Variants in TRIM13 observed in about 807,000 individuals in gnomAD.
TRIM13 encodes E3 ubiquitin-protein ligase TRIM13.
Under a neutral mutation model 27.1 loss-of-function variants are expected in TRIM13, and 15 were observed. The ratio of observed to expected loss-of-function variants is 0.55; its 90% CI spans 0.37 to 0.85. The LOEUF is 0.85. Ranked by LOEUF, TRIM13 falls within the 40% of genes least tolerant of loss-of-function variation. TRIM13 has a pLI of 0.00. For synonymous variants in TRIM13, 193 were observed against 171.5 expected (o/e 1.13, Z -0.98); for missense variants, 402 against 472.2 (o/e 0.85, Z 1.38).
chr13:50,007,780 C>T (rs1397537478), intron 1 of TRIM13, among the ~76,000 whole-genome samples: 1 of 44,298 alleles, frequency 2.3e-5, no homozygotes. Flanking sequence ...GAGACTTAGT[C>T]TCAAAAAAAA....
intron 1 of TRIM13, among the ~76,000 whole-genome samples, chr13:50,000,074 A>G (rs1393609138): frequency 6.6e-6 from 1 of 152,106 alleles, no homozygotes; most frequent in Non-Finnish European, 1.5e-5. Flanking sequence ...TTTTATTACC[A>G]TTTATTGCCT....
intron 1 of TRIM13, among the ~76,000 whole-genome samples, chr13:50,007,632 T>C (rs1160206135): frequency 2.0e-5 from 3 of 146,828 alleles, no homozygotes; most frequent in Non-Finnish European, 3.0e-5. Context: ...AATACAAAAA[T>C]TAGCTGGGCG....
At chr13:50,008,098 G>A (rs1429406877) in intron 1 of TRIM13, among the ~76,000 whole-genome samples, 8 of 151,856 alleles carry the variant, frequency 5.3e-5, no homozygotes, top group Non-Finnish European at 1.2e-4. Flanking sequence ...GTAGAGACGG[G>A]GTTTTACTGT....
chr13:50,015,320 A>G lies in TRIM13; in HGVS notation c.*2156A>G. The G allele has an allele frequency of 2.0e-6, 1 of 508,586 alleles. No individual in the cohort carries two copies. Among genetic ancestry groups the G allele is most frequent in the Middle Eastern group, 4.9e-4 (1 of 2,036 alleles). The allele number at this position is 508,586 out of a possible 1,614,324, so 31.5% of individuals were successfully genotyped here. A position where few individuals can be genotyped will look rare whatever the true frequency, so the allele number is the denominator to read the frequency against. ...TCCCAGGCAACTCGAATTTGCAAAC[A>G]CAGCCATGGATACACTATTTACCTT... On this transcript the variant is annotated 3_prime_UTR_variant, in exon 2 of 2. Transcript: ENST00000378182.
intron 1 of TRIM13, among the ~76,000 whole-genome samples, chr13:50,002,373 A>C (rs1874145394): frequency 9.8e-6 from 1 of 101,718 alleles, no homozygotes; most frequent in African/African-American, 2.7e-5. Flanking sequence ...TGGGTGACAG[A>C]GCAAGACTGT....
In TRIM13 at chr13:50,014,484, C is replaced by T. The variant is rs560167361; in HGVS notation, c.*1320C>T. 2 of 165,428 alleles carry T rather than the reference C, an allele frequency of 1.2e-5. No individual in the cohort carries two copies. Among genetic ancestry groups the T allele is most frequent in the Non-Finnish European group, 2.9e-5 (2 of 67,806 alleles). 10.2% of individuals were successfully genotyped at this position (165,428 alleles called of 1,614,324 possible). ...TCTGGCAGCTATGTGTTGTTTTGTT[C>T]GAAAGATGGCAAGTGTACAACCAAA... On this transcript the variant is annotated 3_prime_UTR_variant, in exon 2 of 2. Coordinates refer to ENST00000378182, the MANE Select transcript of TRIM13 (RefSeq NM_213590.3).
In TRIM13 at chr13:50,016,984, T is replaced by C. The variant is rs1876680826; in HGVS notation, c.*3820T>C. 1 of 166,932 alleles carries C rather than the reference T, an allele frequency of 6.0e-6. No individual in the cohort carries two copies. Among genetic ancestry groups the C allele is most frequent in the South Asian group, 2.1e-4 (1 of 4,812 alleles). 10.3% of individuals were successfully genotyped at this position (166,932 alleles called of 1,614,324 possible). A position where few individuals can be genotyped will look rare whatever the true frequency, so the allele number is the denominator to read the frequency against. On this transcript the variant is annotated 3_prime_UTR_variant, in exon 2 of 2. Transcript: ENST00000378182. ...TAGCGACACACTCCTTGGTCTTGCT[T>C]ACCAACTGGAGGACACTAGGTAGAA...
rs1876214906 is a variant in TRIM13, at chr13:50,015,081, AAAAAAAAAAAAAAATATATATATATATAT to A, written c.*1919_*1947del. Reference sequence around the variant, plus strand: ...GCTTTTCCCCTCCCAGTAATAAAAAAAAAAAAAAAAAAAATATATATATATATATATATATATATATATATATATATATA... The same window carrying A: ...GCTTTTCCCCTCCCAGTAATAAAAAAATATATATATATATATATATATATA... On this transcript the variant is annotated 3_prime_UTR_variant, in exon 2 of 2. Coordinates refer to ENST00000378182, the MANE Select transcript of TRIM13 (RefSeq NM_213590.3). The A allele has an allele frequency of 5.9e-5, 2 of 33,856 alleles. No individual in the cohort carries two copies. Among genetic ancestry groups the A allele is most frequent in the Non-Finnish European group, 5.7e-5 (1 of 17,696 alleles). 2.1% of individuals were successfully genotyped at this position (33,856 alleles called of 1,614,324 possible).
rs1264754156 is a variant in TRIM13, at chr13:50,017,186, A to T, written c.*4022A>T. The T allele has an allele frequency of 2.4e-5, 4 of 167,004 alleles. No homozygotes were observed. The highest frequency in any genetic ancestry group is 5.9e-5 in the Non-Finnish European group (4 of 68,096). 10.3% of individuals were successfully genotyped at this position (167,004 alleles called of 1,614,324 possible). A position where few individuals can be genotyped will look rare whatever the true frequency, so the allele number is the denominator to read the frequency against. On this transcript the variant is annotated 3_prime_UTR_variant, in exon 2 of 2. Coordinates refer to ENST00000378182, the MANE Select transcript of TRIM13 (RefSeq NM_213590.3). Reference sequence around the variant, plus strand: ...GTACAACTTTATTTTCATTGATGGGATACTTTAACAAAAATGAAATTTTTT... The same window carrying T: ...GTACAACTTTATTTTCATTGATGGGTTACTTTAACAAAAATGAAATTTTTT...
At position 50,015,094 on chromosome 13, in the gene TRIM13, AATATATATATATATATATAT is replaced by A. The variant is rs869065030; in HGVS notation, c.*1968_*1987del. The A allele has an allele frequency of 3.0e-4, 5 of 16,852 alleles. 1 individual carries two copies. The highest frequency in any genetic ancestry group is 7.2e-4 in the African/African-American group (4 of 5,532). 1.0% of individuals were successfully genotyped at this position (16,852 alleles called of 1,614,324 possible). On this transcript the variant is annotated 3_prime_UTR_variant, in exon 2 of 2. Transcript: ENST00000378182. ...CAGTAATAAAAAAAAAAAAAAAAAAAATATATATATATATATATATATATATATATATATATATATATATA... is the reference window on the plus strand; with the variant it reads ...CAGTAATAAAAAAAAAAAAAAAAAAAATATATATATATATATATATATATA...
chr13:50,013,344 G>C lies in TRIM13; in HGVS notation c.*180G>C. On this transcript the variant is annotated 3_prime_UTR_variant, in exon 2 of 2. Coordinates refer to ENST00000378182, the MANE Select transcript of TRIM13 (RefSeq NM_213590.3). ...GATAAAAGTGAAATTTAGTAGTATA[G>C]GCCTGAACCTTTTTTTGTTTAAAAG... 1 of 565,870 alleles carries C rather than the reference G, an allele frequency of 1.8e-6. No individual in the cohort carries two copies. Among genetic ancestry groups the C allele is most frequent in the Non-Finnish European group, 2.9e-6 (1 of 345,502 alleles). The allele number at this position is 565,870 out of a possible 1,614,324, so 35.1% of individuals were successfully genotyped here.
At position 50,016,053 on chromosome 13, in the gene TRIM13, A is replaced by C. The variant is rs764426450; in HGVS notation, c.*2889A>C. 1 of 1,613,092 alleles carries C rather than the reference A, an allele frequency of 6.2e-7. No homozygotes were observed. The highest frequency in any genetic ancestry group is 1.1e-5 in the South Asian group (1 of 91,060). On this transcript the variant is annotated 3_prime_UTR_variant, in exon 2 of 2. Coordinates refer to ENST00000378182, the MANE Select transcript of TRIM13 (RefSeq NM_213590.3). ...CAGTGTGGTTCTGACAGCACTACTGATAACCAAACTGGAGTCAGGTATTTT... is the reference window on the plus strand; with the variant it reads ...CAGTGTGGTTCTGACAGCACTACTGCTAACCAAACTGGAGTCAGGTATTTT...
chr13:50,016,168 G>C lies in TRIM13; in HGVS notation c.*3004G>C. 2.4e-6 allele frequency: 2 copies of C among 842,010 alleles called. No individual in the cohort carries two copies. The highest frequency in any genetic ancestry group is 3.7e-6 in the Non-Finnish European group (2 of 538,434). 52.2% of individuals were successfully genotyped at this position (842,010 alleles called of 1,614,324 possible). A position where few individuals can be genotyped will look rare whatever the true frequency, so the allele number is the denominator to read the frequency against. The stretch of plus-strand genomic sequence containing the variant: ...CAGGCCTGTAACTTCTGGAAAAGAT[G>C]ATTATTCAAAATAATGTTTTGGGGT... On this transcript the variant is annotated 3_prime_UTR_variant, in exon 2 of 2. Transcript: ENST00000378182.
At chr13:49,999,488 G>A (rs1200999193) in intron 1 of TRIM13, among the ~76,000 whole-genome samples, 1 of 152,146 alleles carries the variant, frequency 6.6e-6, no homozygotes, top group Non-Finnish European at 1.5e-5. Context: ...ACAACCACGG[G>A]TGTATCCCCC....
Position 50,015,913 on chromosome 13 carries a change from TAC to T in TRIM13, c.*2751_*2752del, listed in dbSNP as rs1566449438. ...CAATTGAGATGCTAACAGGGAGGATTACAGTGTTTACAGAACAACCTTCAGCG... is the reference window on the plus strand; with the variant it reads ...CAATTGAGATGCTAACAGGGAGGATTAGTGTTTACAGAACAACCTTCAGCG... On this transcript the variant is annotated 3_prime_UTR_variant, in exon 2 of 2. Coordinates refer to ENST00000378182, the MANE Select transcript of TRIM13 (RefSeq NM_213590.3). 10 of 1,614,144 alleles carry T rather than the reference TAC, an allele frequency of 6.2e-6. No homozygotes were observed. Among genetic ancestry groups the T allele is most frequent in the Non-Finnish European group, 7.6e-6 (9 of 1,179,998 alleles).
At position 50,015,474 on chromosome 13, in the gene TRIM13, T is replaced by C. The variant is rs758305359; in HGVS notation, c.*2310T>C. 2.6e-6 allele frequency: 4 copies of C among 1,551,962 alleles called. No homozygotes were observed. Among genetic ancestry groups the C allele is most frequent in the Admixed American group, 3.6e-5 (2 of 56,088 alleles). On this transcript the variant is annotated 3_prime_UTR_variant, in exon 2 of 2. Coordinates refer to ENST00000378182, the MANE Select transcript of TRIM13 (RefSeq NM_213590.3). The stretch of plus-strand genomic sequence containing the variant: ...CCTAAGTGTGGCTGATGGTAGCCTC[T>C]AGTTTGAAGTGAGGGAAGAATGAGT...
rs944032488 is a variant in TRIM13, at chr13:50,014,123, T to G, written c.*959T>G. Reference sequence around the variant, plus strand: ...TTTTTGTAGTTTTCACCAAAGATGATCAACTAGAAATGTTAAGTGGCTATG... The same window carrying G: ...TTTTTGTAGTTTTCACCAAAGATGAGCAACTAGAAATGTTAAGTGGCTATG... On this transcript the variant is annotated 3_prime_UTR_variant, in exon 2 of 2. Transcript: ENST00000378182. 5.4e-5 allele frequency: 9 copies of G among 165,454 alleles called. No individual in the cohort carries two copies. The highest frequency in any genetic ancestry group is 2.2e-4 in the African/African-American group (9 of 40,908). The allele number at this position is 165,454 out of a possible 1,614,324, so 10.2% of individuals were successfully genotyped here. A position where few individuals can be genotyped will look rare whatever the true frequency, so the allele number is the denominator to read the frequency against.
rs571746308 is a variant in TRIM13, at chr13:50,002,359, A to T, written c.-7+4596A>T. 1.4e-3 allele frequency among the ~76,000 whole-genome samples: 205 copies of T among 148,740 alleles called. 1 individual carries two copies. Among genetic ancestry groups the T allele is most frequent in the Middle Eastern group, 3.4e-3 (1 of 290 alleles). On this transcript the variant is annotated intron_variant, in intron 1 of 1. Coordinates refer to ENST00000378182, the MANE Select transcript of TRIM13 (RefSeq NM_213590.3). ...AGACGAGATCGCACCATTGCACTCC[A>T]GCCTGGGTGACAGAGCAAGACTGTC...
intron 1 of TRIM13, among the ~76,000 whole-genome samples, chr13:49,999,346 G>A (rs971086339): frequency 6.6e-6 from 1 of 151,978 alleles, no homozygotes; most frequent in Non-Finnish European, 1.5e-5. Context: ...AATCGATTGC[G>A]TTTCACCCCA....
Sources: allele counts gnomAD v4.1 joint callset (sites outside exome capture counted in the v4.1 genomes callset), GRCh38; gene constraint gnomAD v4.1.1; transcripts MANE v1.5; gene names NCBI Gene and HGNC (gene_info 2026-07-23, HGNC 2026-07-21).